Variants in CELSR2 observed in about 807,000 individuals in gnomAD.
CELSR2 encodes the protein EGF-like protein 2.
Under a neutral mutation model 251.6 loss-of-function variants are expected in CELSR2, and 81 were observed. The ratio of observed to expected loss-of-function variants is 0.32; its 90% CI spans 0.27 to 0.39. The LOEUF (loss-of-function observed/expected upper bound fraction) is 0.39. Ranked by LOEUF, CELSR2 falls within the 10% of genes least tolerant of loss-of-function variation. The pLI is 1.00. For synonymous variants in CELSR2, 1,721 were observed against 1,670.5 expected, an observed-to-expected ratio of 1.03 and a Z score of -0.74; for missense variants, 3,365 against 3,947.7, an observed-to-expected ratio of 0.85 and a Z score of 3.96.
At position 109,264,359 on chromosome 1, in the gene CELSR2, T is replaced by C. The variant is rs764078216; in HGVS notation, c.5283T>C (p.Cys1761=). 1.2e-6 allele frequency: 2 copies of C among 1,607,000 alleles called. No individual in the cohort carries two copies. Among genetic ancestry groups the C allele is most frequent in the East Asian group, 4.5e-5 (2 of 44,540 alleles). ...AGGVARGFRG[C]LQGVRVSDTP... ...GTGTGGCCCGTGGCTTTCGGGGCTG[T>C]TTGCAGGTGAGTGTCCTGCCCTGCC... Residue 1761 remains cysteine (C), a synonymous_variant, in exon 10 of 34, where the codon TGT becomes TGC. Coordinates refer to ENST00000271332, the MANE Select transcript of CELSR2 (RefSeq NM_001408.3).
chr1:109,269,920 A>G lies in CELSR2; in HGVS notation c.7108-13A>G. ...CTTCCTAATTCCCTGGCCCCCTGCC[A>G]CCTACTCTGCAGAATGGGGAGATCC... On this transcript the variant is annotated splice_polypyrimidine_tract_variant and intron_variant, in intron 22 of 33. Coordinates refer to ENST00000271332, the MANE Select transcript of CELSR2 (RefSeq NM_001408.3). The surrounding 1 kb of genome is among the most constrained non-coding windows in gnomAD (Gnocchi z 6.4). 6.2e-7 allele frequency: 1 copy of G among 1,613,966 alleles called. No individual in the cohort carries two copies. The highest frequency in any genetic ancestry group is 2.2e-5 in the East Asian group (1 of 44,858).
Position 109,249,714 on chromosome 1 carries a change from GATCCCAT to G in CELSR2, c.-364_-358del, listed in dbSNP as rs1655618335. On this transcript the variant is annotated 5_prime_UTR_variant, in exon 1 of 34. Transcript: ENST00000271332. Reference sequence around the variant, plus strand: ...CACGGCTACGCGGGCGCAGGTGGGCGATCCCATAGGGGCGGAGGGGGCACCCCGGCTC... The same window carrying G: ...CACGGCTACGCGGGCGCAGGTGGGCGAGGGGCGGAGGGGGCACCCCGGCTC... Among the ~76,000 whole-genome samples, 1 of 148,370 alleles carries G rather than the reference GATCCCAT, an allele frequency of 6.7e-6. No homozygotes were observed. Among genetic ancestry groups the G allele is most frequent in the South Asian group, 2.1e-4 (1 of 4,814 alleles).
In CELSR2 at chr1:109,252,873, G is replaced by A; in HGVS notation, c.2794G>A (p.Glu932Lys). Reference sequence around the variant, plus strand: ...GGATGAGTTTGATGTGTTTGTGGAAGAGAACAGCCCCATTGGGCTAGCCGT... The same window carrying A: ...GGATGAGTTTGATGTGTTTGTGGAAAAGAACAGCCCCATTGGGCTAGCCGT... Reference protein sequence around the residue: ...EQDEFDVFVEENSPIGLAVAR... With the variant: ...EQDEFDVFVEKNSPIGLAVAR... The change falls in exon 1 of 34, where the codon GAG becomes AAG. Residue 932 changes from glutamate to lysine, a missense_variant. Glu to Lys is a moderately conservative substitution (Grantham distance 56). This residue lies in a region of CELSR2 where 505 missense variants were observed against 660.0 expected (regional missense o/e 0.77). Coordinates refer to ENST00000271332, the MANE Select transcript of CELSR2 (RefSeq NM_001408.3). The surrounding 1 kb of genome is among the most constrained non-coding windows in gnomAD (Gnocchi z 4.8). 3 of 1,613,286 alleles carry A rather than the reference G, an allele frequency of 1.9e-6. No individual in the cohort carries two copies. Among genetic ancestry groups the A allele is most frequent in the Non-Finnish European group, 2.5e-6 (3 of 1,179,542 alleles).
rs767527369 is a variant in CELSR2 at position 109,271,683 on chromosome 1, C to T, written c.7887C>T (p.Ser2629=). 5 of 1,614,018 alleles carry T rather than the reference C, an allele frequency of 3.1e-6. No homozygotes were observed. In the South Asian group the frequency reaches 5.5e-5, roughly 18 times the overall value. The part of the protein sequence containing the change: ...ALKLACSRKP[S]PDPALTTKST... ...AGCTTGCCTGCAGCCGCAAGCCCAG[C>T]CCTGACCCTGCTCTGACCACCAAGT... The change falls in exon 28 of 34, where the codon AGC becomes AGT. Residue 2629 remains serine (S), a synonymous_variant. Transcript: ENST00000271332.
At chr1:109,260,422 G>C (rs1352296379) in intron 2 of CELSR2, among the ~76,000 whole-genome samples, 2 of 152,166 alleles carry the variant, frequency 1.3e-5, no homozygotes, top group Non-Finnish European at 2.9e-5. Flanking sequence ...GGACCGCAGG[G>C]CTCAAGGTGG....
At chr1:109,266,047 C>G in intron 14 of CELSR2, 58 bp from the exon 15 acceptor site, 1 of 1,599,578 alleles carries the variant, frequency 6.3e-7, no homozygotes, top group Non-Finnish European at 8.5e-7. Context: ...GCTGGGGAGC[C>G]TGGGCAGGAC....
chr1:109,259,572 C>T (rs1044521189), intron 2 of CELSR2, among the ~76,000 whole-genome samples: 3 of 152,178 alleles, frequency 2.0e-5, no homozygotes, highest in South Asian at 4.1e-4. Flanking sequence ...TCATCACACC[C>T]GGTTTAGAGG....
In CELSR2 at chr1:109,269,142, G is replaced by A. The variant is rs200883264; in HGVS notation, c.6664G>A (p.Gly2222Arg). The A allele has an allele frequency of 4.3e-5, 69 of 1,609,294 alleles. No homozygotes were observed. The highest frequency in any genetic ancestry group is 3.1e-4 in the East Asian group (14 of 44,796). ...CCCCGTGGTCAGGCCCGCAGGCCCCGGAGAGGCCCAGGAGCCAGAGGAGCT... is the reference window on the plus strand; with the variant it reads ...CCCCGTGGTCAGGCCCGCAGGCCCCAGAGAGGCCCAGGAGCCAGAGGAGCT... ...TPPVVRPAGP[G>R]EAQEPEELAR... The change falls in exon 20 of 34, where the codon GGA becomes AGA. Residue 2222 changes from glycine (G) to arginine (R), a missense_variant. Coordinates refer to ENST00000271332, the MANE Select transcript of CELSR2 (RefSeq NM_001408.3). The surrounding 1 kb of genome is among the most constrained non-coding windows in gnomAD (Gnocchi z 6.4).
rs1241097431 is a variant in CELSR2, at chr1:109,252,226, A to G, written c.2147A>G (p.His716Arg). The change falls in exon 1 of 34, where the codon CAC becomes CGC. Residue 716 changes from histidine (H) to arginine (R), a missense_variant. This residue lies in a region of CELSR2 where 505 missense variants were observed against 660.0 expected (regional missense o/e 0.77). Coordinates refer to ENST00000271332, the MANE Select transcript of CELSR2 (RefSeq NM_001408.3). The surrounding 1 kb of genome is among the most constrained non-coding windows in gnomAD (Gnocchi z 4.8). ...NTHRPVFQSS[H>R]YTVNVNEDRP... ...CATCGTCCTGTCTTTCAGAGCTCCCACTATACAGTGAATGTTAATGAGGAC... is the reference window on the plus strand; with the variant it reads ...CATCGTCCTGTCTTTCAGAGCTCCCGCTATACAGTGAATGTTAATGAGGAC... 2 of 1,613,592 alleles carry G rather than the reference A, an allele frequency of 1.2e-6. No homozygotes were observed. The highest frequency in any genetic ancestry group is 1.1e-5 in the South Asian group (1 of 91,084).
At chr1:109,267,085 A>G (rs1557734783) in intron 15 of CELSR2, among the ~76,000 whole-genome samples, 1 of 152,150 alleles carries the variant, frequency 6.6e-6, no homozygotes, top group South Asian at 2.1e-4. Context: ...GGGCTGTGCT[A>G]GAGATTCAAA....
rs77859328 is a variant in CELSR2, at chr1:109,274,502, C to G, written c.*453C>G. On this transcript the variant is annotated 3_prime_UTR_variant, in exon 34 of 34. Coordinates refer to ENST00000271332, the MANE Select transcript of CELSR2 (RefSeq NM_001408.3). ...GGGAGGAGAGGGACTCCTGGGGGGC[C>G]TGCCCCTCATACGCCATCACCAAAA... 37 of 200,138 alleles carry G rather than the reference C, an allele frequency of 1.8e-4. No homozygotes were observed. In the East Asian group the frequency reaches 4.4e-3, roughly 24 times the overall value. 12.4% of individuals were successfully genotyped at this position (200,138 alleles called of 1,614,324 possible). A position where few individuals can be genotyped will look rare whatever the true frequency, so the allele number is the denominator to read the frequency against.
chr1:109,263,015 A>G, intron 7 of CELSR2, 46 bp downstream of exon 7: 2 of 1,601,260 alleles, frequency 1.2e-6, no homozygotes, highest in Non-Finnish European at 1.7e-6. Flanking sequence ...CAGTGCTGAG[A>G]GGAGGGGCTG....
At position 109,250,626 on chromosome 1, in the gene CELSR2, C is replaced by A. The variant is rs375358591; in HGVS notation, c.547C>A (p.Pro183Thr). ...TGTAAATACAGCCCCCCAGTTCCAG[C>A]CCCCCAGCTACCAGGCCACAGTGCC... ...RNVNTAPQFQ[P>T]PSYQATVPEN... is the part of the protein sequence containing the mutation. Residue 183 changes from proline to threonine, a missense_variant, in exon 1 of 34, where the codon CCC becomes ACC. Around this residue, in one of 5 missense-constraint regions of CELSR2, gnomAD observed 704 missense variants for 784.1 expected, o/e 0.90. Transcript: ENST00000271332. This position sits in a 1 kb window ranked among gnomAD's most constrained non-coding sequence, Gnocchi z 4.4. The A allele has an allele frequency of 1.2e-6, 2 of 1,613,802 alleles. No homozygotes were observed. Among genetic ancestry groups the A allele is most frequent in the African/African-American group, 2.7e-5 (2 of 74,896 alleles).
intron 28 of CELSR2, 81 bp downstream of exon 28, chr1:109,271,803 C>T: frequency 6.6e-7 from 1 of 1,507,732 alleles, no homozygotes; most frequent in Admixed American, 2.0e-5. Context: ...TTTGGCCCCA[C>T]TCCCCTTTCT....
chr1:109,262,776 C>T (rs767968718), intron 6 of CELSR2, 30 bp from the exon 7 acceptor site: 3 of 1,603,410 alleles, frequency 1.9e-6, no homozygotes, highest in Non-Finnish European at 2.6e-6. Flanking sequence ...CCAGCCCTCC[C>T]TTGTGCCGCC....
At chr1:109,271,147 C>T (rs529736455) in intron 25 of CELSR2, 70 bp from the exon 26 acceptor site, 9 of 1,552,456 alleles carry the variant, frequency 5.8e-6, no homozygotes, top group South Asian at 3.3e-5. Flanking sequence ...GCTGAGGCCA[C>T]GGGGCCCTGT....
chr1:109,262,116 T>C (rs997936683), intron 5 of CELSR2, among the ~76,000 whole-genome samples, 171 bp from the exon 6 acceptor site: 7 of 152,228 alleles, frequency 4.6e-5, no homozygotes, highest in African/African-American at 1.7e-4. Context: ...ACTTGGACAC[T>C]GAGGAAGGTA....
chr1:109,250,004 C>G lies in CELSR2; in HGVS notation c.-76C>G, dbSNP rs1570772342. ...CTGGCGCCCTGGCCCGGGCATGAGGCGCGGCGGGGCCGGCAGGAGCCGGAG... is the reference window on the plus strand; with the variant it reads ...CTGGCGCCCTGGCCCGGGCATGAGGGGCGGCGGGGCCGGCAGGAGCCGGAG... On this transcript the variant is annotated 5_prime_UTR_variant, in exon 1 of 34. Transcript: ENST00000271332. This position sits in a 1 kb window ranked among gnomAD's most constrained non-coding sequence, Gnocchi z 4.4. The G allele has an allele frequency of 4.9e-6, 6 of 1,223,720 alleles. No homozygotes were observed. In the South Asian group the frequency reaches 1.5e-4, roughly 30 times the overall value. 75.8% of individuals were successfully genotyped at this position (1,223,720 alleles called of 1,614,324 possible). A position where few individuals can be genotyped will look rare whatever the true frequency, so the allele number is the denominator to read the frequency against.
In CELSR2 at chr1:109,262,473, G is replaced by A. The variant is rs769177373; in HGVS notation, c.4544+29G>A. The A allele has an allele frequency of 3.1e-6, 5 of 1,608,392 alleles. No individual in the cohort carries two copies. The Admixed American group carries it at 8.3e-5, about 27-fold the overall frequency. On this transcript the variant is annotated intron_variant, in intron 6 of 33. Coordinates refer to ENST00000271332, the MANE Select transcript of CELSR2 (RefSeq NM_001408.3). ...AGCAGGGGAAAGGGCCAGGGATGGGGTGAAGTGAGGGCAGGGCCAGGCAGG... is the reference window on the plus strand; with the variant it reads ...AGCAGGGGAAAGGGCCAGGGATGGGATGAAGTGAGGGCAGGGCCAGGCAGG...
Sources: gnomAD v4.1 joint callset for allele counts (sites outside exome capture counted in the v4.1 genomes callset) on GRCh38, gnomAD v4.1.1 for gene constraint, gnomAD v4.1.1 regional missense constraint, Gnocchi (gnomAD v3.1) non-coding constraint, MANE v1.5 for transcripts, NCBI Gene and HGNC (gene_info 2026-07-23, HGNC 2026-07-21) for gene names.